The following SUPT3H variants were observed in gnomAD, a reference collection of about 807,000 sequenced individuals.
The protein encoded by SUPT3H is transcription initiation protein SPT3 homolog.
A neutral mutation model predicts 44.3 loss-of-function variants in SUPT3H; 44 were observed. That is an observed-to-expected ratio of 0.99 (90% CI 0.78 to 1.28). The LOEUF (loss-of-function observed/expected upper bound fraction) is 1.28, where lower values mean the gene tolerates loss of function less well. Among genes scored for constraint, SUPT3H ranks in the 50% most tolerant of loss-of-function variants. SUPT3H has a pLI of 0.00. For synonymous variants in SUPT3H, 124 were observed against 125.6 expected (o/e 0.99, Z 0.09); for missense variants, 380 against 387.1 (o/e 0.98, Z 0.15).
Position 44,826,829 on chromosome 6 carries a change from A to C in SUPT3H, c.*2987T>G, listed in dbSNP as rs1767802583. Among the ~76,000 whole-genome samples the C allele has an allele frequency of 6.6e-6, 1 of 152,244 alleles. No homozygotes were observed. The highest frequency in any genetic ancestry group is 1.5e-5 in the Non-Finnish European group (1 of 68,032). On this transcript the variant is annotated 3_prime_UTR_variant, in exon 11 of 11. Coordinates refer to ENST00000371459, the MANE Select transcript of SUPT3H (RefSeq NM_003599.4). Reference sequence around the variant, plus strand: ...TATTTTATAAAAACAAAGAACAGCAATAAATGAAGGGTTCTCCCCAGATAC... The same window carrying C: ...TATTTTATAAAAACAAAGAACAGCACTAAATGAAGGGTTCTCCCCAGATAC...
chr6:45,111,531 C>A (rs1384053435), intron 2 of SUPT3H, among the ~76,000 whole-genome samples: 39 of 135,716 alleles, frequency 2.9e-4, no homozygotes, highest in African/African-American at 9.4e-4. Flanking sequence ...CCCCCTCCCT[C>A]CCCCCCGCAA....
intron 2 of SUPT3H, among the ~76,000 whole-genome samples, chr6:45,284,747 G>T (rs1469755028): frequency 6.6e-6 from 1 of 152,116 alleles, no homozygotes; most frequent in Non-Finnish European, 1.5e-5. Context: ...CATTTTATGA[G>T]GCCAGCATCA....
chr6:45,023,148 C>T (rs757052920), intron 3 of SUPT3H, among the ~76,000 whole-genome samples: 3 of 151,406 alleles, frequency 2.0e-5, no homozygotes, highest in Non-Finnish European at 4.4e-5. Flanking sequence ...ATAGATGTGG[C>T]CAACAAGCAT....
chr6:44,962,157 C>T (rs1034622704), intron 6 of SUPT3H, among the ~76,000 whole-genome samples: 4 of 152,088 alleles, frequency 2.6e-5, no homozygotes, highest in Admixed American at 2.0e-4. Context: ...AACAGAAAAA[C>T]TGTTACAAAT....
Position 45,375,445 on chromosome 6 carries a change from G to C in SUPT3H, c.-1+2323C>G, listed in dbSNP as rs144556653. On this transcript the variant is annotated intron_variant, in intron 1 of 10. Coordinates refer to ENST00000371459, the MANE Select transcript of SUPT3H (RefSeq NM_003599.4). Reference sequence around the variant, plus strand: ...GTCACCCATAAAAGCACCCCATTCTGATTTGTATATTATGAGCTATTCTCT... The same window carrying C: ...GTCACCCATAAAAGCACCCCATTCTCATTTGTATATTATGAGCTATTCTCT... Among the ~76,000 whole-genome samples, 326 of 152,240 alleles carry C rather than the reference G, an allele frequency of 2.1e-3. 1 individual carries two copies. Among genetic ancestry groups the C allele is most frequent in the African/African-American group, 7.5e-3 (311 of 41,560 alleles).
intron 9 of SUPT3H, among the ~76,000 whole-genome samples, chr6:44,940,939 A>G (rs1772309982): frequency 6.6e-6 from 1 of 152,048 alleles, no homozygotes; most frequent in African/African-American, 2.4e-5. Context: ...CTTTCAGTCC[A>G]TATATGTCTT....
intron 2 of SUPT3H, among the ~76,000 whole-genome samples, chr6:45,270,632 C>A (rs1203510570): frequency 6.6e-6 from 1 of 152,168 alleles, no homozygotes; most frequent in Non-Finnish European, 1.5e-5. Context: ...GTAAATTGCC[C>A]AGTCTGGAGT....
At chr6:45,152,464 G>GT (rs1807103872) in intron 2 of SUPT3H, among the ~76,000 whole-genome samples, 1 of 152,010 alleles carries the variant, frequency 6.6e-6, no homozygotes, top group Non-Finnish European at 1.5e-5. Flanking sequence ...CACCTGATGT[G>GT]TTTCCTCCAC....
chr6:44,943,904 A>G (rs981968087), intron 9 of SUPT3H, among the ~76,000 whole-genome samples: 1 of 152,146 alleles, frequency 6.6e-6, no homozygotes, highest in South Asian at 2.1e-4. Context: ...AGCAGAACAG[A>G]AAAGAAAAAT....
intron 2 of SUPT3H, among the ~76,000 whole-genome samples, chr6:45,333,403 C>A (rs1156460856): frequency 6.6e-6 from 1 of 151,496 alleles, no homozygotes; most frequent in Admixed American, 6.6e-5. Context: ...AGATTAAATG[C>A]TCTTTTACTG....
Position 45,235,091 on chromosome 6 carries a change from A to G in SUPT3H, c.102-129085T>C, listed in dbSNP as rs189784185. On this transcript the variant is annotated intron_variant, in intron 2 of 10. Transcript: ENST00000371459. Reference sequence around the variant, plus strand: ...GAAAGAAATTAAAATTAACACTGGAAAGAAAGCCAATGATACAAGTGACAA... The same window carrying G: ...GAAAGAAATTAAAATTAACACTGGAGAGAAAGCCAATGATACAAGTGACAA... Among the ~76,000 whole-genome samples the G allele has an allele frequency of 2.2e-3, 335 of 152,314 alleles. 1 individual carries two copies. Among genetic ancestry groups the G allele is most frequent in the Non-Finnish European group, 4.0e-3 (270 of 68,010 alleles).
intron 2 of SUPT3H, among the ~76,000 whole-genome samples, chr6:45,155,512 C>T (rs1807671738): frequency 1.3e-5 from 2 of 152,144 alleles, no homozygotes. Flanking sequence ...TACATTGTTA[C>T]TTCTGTGTAA....
intron 2 of SUPT3H, among the ~76,000 whole-genome samples, chr6:45,230,810 T>C (rs1307546630): frequency 6.6e-6 from 1 of 151,018 alleles, no homozygotes; most frequent in Non-Finnish European, 1.5e-5. Flanking sequence ...GCAGCTGGGA[T>C]TACAAGCATG....
At chr6:45,201,156 A>G (rs1452655906) in intron 2 of SUPT3H, among the ~76,000 whole-genome samples, 1 of 151,708 alleles carries the variant, frequency 6.6e-6, no homozygotes, top group Non-Finnish European at 1.5e-5. Context: ...TAAGTGAATG[A>G]TACGGGTAAC....
rs181861555 is a variant in SUPT3H, at chr6:45,292,548, C to A, written c.101+72653G>T. Among the ~76,000 whole-genome samples the A allele has an allele frequency of 4.8e-4, 73 of 151,756 alleles. No individual in the cohort carries two copies. The East Asian group carries it at 9.0e-3, about 19-fold the overall frequency. The stretch of plus-strand genomic sequence containing the variant: ...AAGATACAGAAATGCAGAATGGATA[C>A]GTATCCACCAACCAATTATCTGCTG... On this transcript the variant is annotated intron_variant, in intron 2 of 10. Transcript: ENST00000371459.
At chr6:45,003,862 T>G (rs1782349837) in intron 5 of SUPT3H, 70 bp from the exon 6 acceptor site, 1 of 1,519,922 alleles carries the variant, frequency 6.6e-7, no homozygotes, top group African/African-American at 1.4e-5. Context: ...AATTATTACA[T>G]GTATTAAATA....
chr6:44,824,789 T>C (rs964186068), downstream of SUPT3H, among the ~76,000 whole-genome samples: 1 of 152,194 alleles, frequency 6.6e-6, no homozygotes, highest in Non-Finnish European at 1.5e-5. Flanking sequence ...AATGGAAAAC[T>C]ATCCTTTGTA....
intron 3 of SUPT3H, among the ~76,000 whole-genome samples, chr6:45,022,416 T>G (rs1450274194): frequency 7.9e-3 from 2 of 252 alleles, no homozygotes; most frequent in Non-Finnish European, 0.01. Context: ...GGAATCACTG[T>G]TTTTTTTTTT....
At chr6:44,921,176 G>A (rs1582506754) in intron 10 of SUPT3H, among the ~76,000 whole-genome samples, 1 of 152,290 alleles carries the variant, frequency 6.6e-6, no homozygotes, top group East Asian at 1.9e-4. Context: ...ATAAATGCAG[G>A]TATCAAAGCT....
Sources: gnomAD v4.1 joint callset for allele counts (sites outside exome capture counted in the v4.1 genomes callset) on GRCh38, gnomAD v4.1.1 for gene constraint, MANE v1.5 for transcripts, NCBI Gene and HGNC (gene_info 2026-07-23, HGNC 2026-07-21) for gene names.